PRKCH: variants seen among roughly 807,000 people sequenced by gnomAD.
The protein encoded by PRKCH is protein kinase C eta, also known as protein kinase C eta type.
In PRKCH, 28 loss-of-function variants were observed where a neutral mutation model predicts 82.5. The observed-to-expected ratio is 0.34, with a 90% CI of 0.25 to 0.47. The LOEUF is 0.47. Ranked by LOEUF, PRKCH falls within the 20% of genes least tolerant of loss-of-function variation. The pLI is 1.00. For synonymous variants in PRKCH, 322 were observed against 327.4 expected, an observed-to-expected ratio of 0.98 and a Z score of 0.18; for missense variants, 705 against 881.8, an observed-to-expected ratio of 0.80 and a Z score of 2.54.
chr14:61,327,889 TGAG>T (rs2045719234), intron 1 of PRKCH, among the ~76,000 whole-genome samples: 1 of 152,240 alleles, frequency 6.6e-6, no homozygotes, highest in Admixed American at 6.5e-5. Flanking sequence ...TGAAAATAGT[TGAG>T]GAGTTACTGG....
intron 1 of PRKCH, among the ~76,000 whole-genome samples, chr14:61,293,556 C>T (rs2045381330): frequency 6.6e-6 from 1 of 152,116 alleles, no homozygotes; most frequent in Non-Finnish European, 1.5e-5. Flanking sequence ...CAACCAGAGA[C>T]CAAATCACTC....
chr14:61,391,137 C>A, intron 1 of PRKCH, 88 bp from the exon 2 acceptor site: 1 of 1,048,502 alleles, frequency 9.5e-7, no homozygotes, highest in Non-Finnish European at 1.4e-6. Context: ...GTGATTTACA[C>A]ATTAGGCCTC....
intron 1 of PRKCH, among the ~76,000 whole-genome samples, chr14:61,284,272 G>A (rs1391940338): frequency 6.6e-6 from 1 of 152,230 alleles, no homozygotes; most frequent in African/African-American, 2.4e-5. Context: ...CAGGGCAGAT[G>A]AATTTGAAAG....
chr14:61,407,382 A>T (rs1260687388), intron 2 of PRKCH, among the ~76,000 whole-genome samples: 1 of 152,234 alleles, frequency 6.6e-6, no homozygotes, highest in Admixed American at 6.5e-5. Flanking sequence ...CAGGCACAGG[A>T]GAACATAACA....
At chr14:61,480,044 T>C (rs10138124) in intron 9 of PRKCH, among the ~76,000 whole-genome samples, 29,919 of 152,160 alleles carry the variant, frequency 0.2, 3,554 homozygotes, top group East Asian at 0.4. Flanking sequence ...TCTCCTGGCC[T>C]TGAGATTTCC....
In PRKCH at chr14:61,526,004, C is replaced by T. The variant is rs574969180; in HGVS notation, c.1434-3071C>T. Among the ~76,000 whole-genome samples, 58 of 152,270 alleles carry T rather than the reference C, an allele frequency of 3.8e-4. 1 individual carries two copies. The highest frequency in any genetic ancestry group is 1.4e-3 in the African/African-American group (58 of 41,534). ...GTCCCAGAGGAGCCAGGCACCCAGG[C>T]CTTATAGTGCCTCCCAAGTCAGAAA... On this transcript the variant is annotated intron_variant, in intron 10 of 13. Coordinates refer to ENST00000332981, the MANE Select transcript of PRKCH (RefSeq NM_006255.5).
At chr14:61,244,402 A>G (rs2044864030) in intron 1 of PRKCH, among the ~76,000 whole-genome samples, 1 of 152,230 alleles carries the variant, frequency 6.6e-6, no homozygotes, top group Non-Finnish European at 1.5e-5. Flanking sequence ...TCACATGCCA[A>G]CACGAAGTTA....
At chr14:61,382,455 A>AC (rs1275869136) in intron 1 of PRKCH, among the ~76,000 whole-genome samples, 1 of 152,036 alleles carries the variant, frequency 6.6e-6, no homozygotes, top group African/African-American at 2.4e-5. Flanking sequence ...AAACAAACAA[A>AC]AAAAAACAAG....
At chr14:61,231,362 A>ATG (rs2044741665) in intron 1 of PRKCH, among the ~76,000 whole-genome samples, 1 of 128,548 alleles carries the variant, frequency 7.8e-6, no homozygotes, top group African/African-American at 3.0e-5. Context: ...ATCCAGATGA[A>ATG]TTTTTTTTTT....
At chr14:61,434,743 T>C (rs557126837) in intron 2 of PRKCH, among the ~76,000 whole-genome samples, 4 of 152,300 alleles carry the variant, frequency 2.6e-5, no homozygotes, top group African/African-American at 7.2e-5. Flanking sequence ...ATGGCATAGC[T>C]GGGCAGAGTG....
At chr14:61,463,811 G>A (rs946290178) in intron 9 of PRKCH, among the ~76,000 whole-genome samples, 6 of 152,186 alleles carry the variant, frequency 3.9e-5, no homozygotes, top group African/African-American at 1.4e-4. Context: ...ATATCAGTGA[G>A]ATTAAGCTGC....
chr14:61,376,218 C>CG (rs1417243953), intron 1 of PRKCH, among the ~76,000 whole-genome samples: 1 of 152,032 alleles, frequency 6.6e-6, no homozygotes, highest in Admixed American at 6.6e-5. Context: ...GGGTAGCCAG[C>CG]GTGCCTTTCC....
At chr14:61,276,550 T>G (rs2045204173) in intron 1 of PRKCH, among the ~76,000 whole-genome samples, 1 of 151,738 alleles carries the variant, frequency 6.6e-6, no homozygotes, top group African/African-American at 2.4e-5. Flanking sequence ...GAGGCGGGGT[T>G]TCACCATGTT....
chr14:61,189,161 G>A (rs1027789373), intron 1 of PRKCH, among the ~76,000 whole-genome samples: 4 of 152,346 alleles, frequency 2.6e-5, no homozygotes, highest in Admixed American at 2.6e-4. Context: ...GCGCCCCCGC[G>A]AGGCCCGGGC....
intron 6 of PRKCH, among the ~76,000 whole-genome samples, chr14:61,452,389 T>C (rs1884552166): frequency 6.6e-6 from 1 of 152,076 alleles, no homozygotes; most frequent in Non-Finnish European, 1.5e-5. Flanking sequence ...GCTTCCAAGA[T>C]GGACTGACTC....
chr14:61,215,266 T>C (rs2044608725), intron 1 of PRKCH, among the ~76,000 whole-genome samples: 1 of 152,200 alleles, frequency 6.6e-6, no homozygotes, highest in African/African-American at 2.4e-5. Flanking sequence ...CTCTTCATCA[T>C]GTAGGTGGGT....
intron 1 of PRKCH, among the ~76,000 whole-genome samples, chr14:61,289,464 T>C (rs1314314444): frequency 6.6e-6 from 1 of 152,202 alleles, no homozygotes; most frequent in Non-Finnish European, 1.5e-5. Flanking sequence ...CCCAGCACTT[T>C]GGGAGGCCAA....
chr14:61,477,964 G>T (rs1885802997), intron 9 of PRKCH, among the ~76,000 whole-genome samples: 1 of 152,184 alleles, frequency 6.6e-6, no homozygotes, highest in South Asian at 2.1e-4. Context: ...TTGGAGGTCT[G>T]TGAAGGAGGC....
intron 2 of PRKCH, among the ~76,000 whole-genome samples, chr14:61,399,725 C>T (rs1594663924): frequency 6.6e-6 from 1 of 152,216 alleles, no homozygotes; most frequent in East Asian, 1.9e-4. Context: ...GTAGAAGTAT[C>T]TTTATAAAGA....
Sources: gnomAD v4.1 joint callset for allele counts (sites outside exome capture counted in the v4.1 genomes callset) on GRCh38, gnomAD v4.1.1 for gene constraint, MANE v1.5 for transcripts, NCBI Gene and HGNC (gene_info 2026-07-23, HGNC 2026-07-21) for gene names.